The following NBAS variants were observed in gnomAD, a reference collection of about 807,000 sequenced individuals.
NBAS encodes the protein NBAS subunit of NRZ tethering complex, also known as NAG/BC035112 fusion.
In NBAS, 219 loss-of-function variants were observed where a neutral mutation model predicts 302.5. The ratio of observed to expected loss-of-function variants is 0.72; its 90% CI spans 0.65 to 0.81. The LOEUF (loss-of-function observed/expected upper bound fraction) is 0.81. Ranked by LOEUF, NBAS falls within the 30% of genes least tolerant of loss-of-function variation. The probability of loss-of-function intolerance (pLI) is 0.00; values close to 1 mark genes in which losing one functional copy is unlikely to be tolerated. For synonymous variants in NBAS, 1,118 were observed against 1,021.6 expected (o/e 1.09, Z -1.80); for missense variants, 2,932 against 2,841.6 (o/e 1.03, Z -0.72).
chr2:15,506,087 G>T (rs1201881467), intron 10 of NBAS, among the ~76,000 whole-genome samples: 1 of 151,902 alleles, frequency 6.6e-6, no homozygotes, highest in Non-Finnish European at 1.5e-5. Flanking sequence ...AAAAGGAAAT[G>T]AGATAAAAGG....
chr2:14,904,299 G>A, the NBAS span, among the ~76,000 whole-genome samples: 35,740 of 152,104 alleles, frequency 0.23, 4,363 homozygotes, highest in Non-Finnish European at 0.26. Flanking sequence ...TCTGAGTCCA[G>A]AAACCTCAAA....
intron 50 of NBAS, chr2:15,179,422 A>C (rs1019987307): frequency 1.2e-5 from 4 of 330,778 alleles, no homozygotes; most frequent in Middle Eastern, 9.2e-4. Context: ...TCACAGCCCT[A>C]ATTTCCTCAT....
At chr2:15,320,091 A>T (rs1671724751) in intron 38 of NBAS, among the ~76,000 whole-genome samples, 1 of 152,216 alleles carries the variant, frequency 6.6e-6, no homozygotes, top group African/African-American at 2.4e-5. Context: ...GGCTGGTTCA[A>T]CATATGCAAA....
chr2:14,895,739 C>CAAAAAAAAAAAAA, the NBAS span, among the ~76,000 whole-genome samples: 8 of 95,456 alleles, frequency 8.4e-5, no homozygotes, highest in Non-Finnish European at 1.1e-4. Context: ...GACTCCGTCT[C>CAAAAAAAAAAAAA]AAAAAAAAAA....
chr2:15,031,199 T>C, the NBAS span, among the ~76,000 whole-genome samples: 1 of 152,050 alleles, frequency 6.6e-6, no homozygotes, highest in Non-Finnish European at 1.5e-5. Flanking sequence ...TGACATGGAG[T>C]TGGGAGCTAC....
intron 21 of NBAS, among the ~76,000 whole-genome samples, chr2:15,447,992 G>T (rs1156824442): frequency 2.0e-5 from 3 of 152,136 alleles, no homozygotes; most frequent in Non-Finnish European, 2.9e-5. Flanking sequence ...CTCACATGGT[G>T]AAAGGAACAA....
rs35921523 is a variant in NBAS, at chr2:15,179,477, T to TTG, written c.6712-363_6712-362dup. Reference sequence around the variant, plus strand: ...ATAGCTCCTTTGCAGGTTTTGTGTTTTGTGTGTGTGTGTGTGTGAGAGAGA... The same window carrying TTG: ...ATAGCTCCTTTGCAGGTTTTGTGTTTTGTGTGTGTGTGTGTGTGTGAGAGAGA... On this transcript the variant is annotated intron_variant, in intron 50 of 51. Coordinates refer to ENST00000281513, the MANE Select transcript of NBAS (RefSeq NM_015909.4). 862 of 255,724 alleles carry TTG rather than the reference T, an allele frequency of 3.4e-3. 6 individuals carry two copies. Among genetic ancestry groups the TTG allele is most frequent in the African/African-American group, 0.016 (694 of 44,750 alleles). The allele number at this position is 255,724 out of a possible 1,614,324, so 15.8% of individuals were successfully genotyped here.
chr2:15,453,386 G>A (rs1679107984), intron 21 of NBAS, among the ~76,000 whole-genome samples: 2 of 152,210 alleles, frequency 1.3e-5, no homozygotes, highest in Admixed American at 1.3e-4. Flanking sequence ...GCAGGTGACT[G>A]TGCTTTCTGT....
chr2:15,087,124 T>A, the NBAS span, among the ~76,000 whole-genome samples: 1 of 151,896 alleles, frequency 6.6e-6, no homozygotes, highest in Non-Finnish European at 1.5e-5. Flanking sequence ...GCCTTTGGAC[T>A]AGAACCACAC....
the NBAS span, among the ~76,000 whole-genome samples, chr2:14,821,156 G>C: frequency 6.6e-6 from 1 of 152,102 alleles, no homozygotes; most frequent in Admixed American, 6.5e-5. Context: ...TCGATCTCCT[G>C]ACCTCGTGAT....
chr2:15,088,129 G>A, the NBAS span, among the ~76,000 whole-genome samples: 11 of 152,288 alleles, frequency 7.2e-5, no homozygotes, highest in East Asian at 1.9e-4. Flanking sequence ...TGGGCAGGTC[G>A]AGCAGGAATA....
intron 42 of NBAS, among the ~76,000 whole-genome samples, chr2:15,281,713 C>A (rs1332067218): frequency 1.3e-5 from 2 of 152,156 alleles, no homozygotes; most frequent in Non-Finnish European, 2.9e-5. Context: ...GTCACAGAGC[C>A]AGAGCCTGCA....
intron 25 of NBAS, among the ~76,000 whole-genome samples, chr2:15,405,677 C>T (rs1387435006): frequency 6.6e-6 from 1 of 152,068 alleles, no homozygotes. Flanking sequence ...GAAAAGAACA[C>T]AGATGATAAG....
chr2:15,013,781 C>T, the NBAS span, among the ~76,000 whole-genome samples: 36 of 151,824 alleles, frequency 2.4e-4, no homozygotes, highest in African/African-American at 8.2e-4. Context: ...CCAGACTCCA[C>T]CTCAAAAATT....
the NBAS span, among the ~76,000 whole-genome samples, chr2:14,879,661 A>G: frequency 1.3e-5 from 2 of 152,344 alleles, no homozygotes; most frequent in South Asian, 2.1e-4. Flanking sequence ...GAGAAACTCA[A>G]GTAAAACTAT....
chr2:14,849,448 GTC>G, the NBAS span, among the ~76,000 whole-genome samples: 1 of 151,794 alleles, frequency 6.6e-6, no homozygotes, highest in South Asian at 2.1e-4. Context: ...CCAAATTTAC[GTC>G]TGATTGGTGT....
the NBAS span, among the ~76,000 whole-genome samples, chr2:15,010,931 A>T: frequency 6.6e-6 from 1 of 152,228 alleles, no homozygotes; most frequent in Admixed American, 6.5e-5. Context: ...AGGAGATATT[A>T]AAATCTAATA....
chr2:15,160,956 G>C, the NBAS span, among the ~76,000 whole-genome samples: 3 of 152,168 alleles, frequency 2.0e-5, no homozygotes, highest in Admixed American at 2.0e-4. Flanking sequence ...ACATGGGGTG[G>C]ATTATCCATT....
At chr2:14,946,719 T>C in the NBAS span, among the ~76,000 whole-genome samples, 1 of 152,192 alleles carries the variant, frequency 6.6e-6, no homozygotes, top group Non-Finnish European at 1.5e-5. Context: ...TACCCAACTA[T>C]TGTAGAATAA....
Sources: gnomAD v4.1 joint callset for allele counts (sites outside exome capture counted in the v4.1 genomes callset) on GRCh38, gnomAD v4.1.1 for gene constraint, MANE v1.5 for transcripts, NCBI Gene and HGNC (gene_info 2026-07-23, HGNC 2026-07-21) for gene names.